SUSD6: variants seen among roughly 807,000 people sequenced by gnomAD.
SUSD6 encodes sushi domain-containing protein 6.
SUSD6 carries 16 observed loss-of-function variants against 28.4 expected under a neutral mutation model. That is an observed-to-expected ratio of 0.56 (90% CI 0.38 to 0.86). SUSD6 has a LOEUF of 0.86. Among genes scored for constraint, SUSD6 ranks in the 40% least tolerant of loss-of-function variants. The pLI, the probability that SUSD6 is intolerant of heterozygous loss-of-function variation, is 0.00. For synonymous variants in SUSD6, 147 were observed against 159.6 expected, an observed-to-expected ratio of 0.92 and a Z score of 0.59; for missense variants, 341 against 384.2, an observed-to-expected ratio of 0.89 and a Z score of 0.94.
chr14:69,631,649 A>T (rs1240381467), intron 1 of SUSD6, among the ~76,000 whole-genome samples: 1 of 152,194 alleles, frequency 6.6e-6, no homozygotes, highest in Non-Finnish European at 1.5e-5. Flanking sequence ...TTCTGTGATT[A>T]TCCTGAGGTT....
chr14:69,703,115 A>C (rs1466123723), intron 2 of SUSD6, among the ~76,000 whole-genome samples: 1 of 152,136 alleles, frequency 6.6e-6, no homozygotes, highest in East Asian at 1.9e-4. Flanking sequence ...TATAGGTTCA[A>C]GACTTTAGAG....
chr14:69,703,519 C>T lies in SUSD6; in HGVS notation c.246C>T (p.Gly82=), dbSNP rs374038848. 435 of 1,614,092 alleles carry T rather than the reference C, an allele frequency of 2.7e-4. 1 individual carries two copies. The highest frequency in any genetic ancestry group is 1.2e-3 in the South Asian group (110 of 91,086). The change falls in exon 3 of 6, where the codon GGC becomes GGT. Residue 82 remains glycine, a synonymous_variant. Transcript: ENST00000342745. ...YLCAEGYMLK[G]DYKYLTCKNG... ...GTGCTGAAGGCTACATGTTGAAGGG[C>T]GATTACAAATACCTGACGTGTAAGA...
At chr14:69,623,043 A>G (rs1263790529) in intron 1 of SUSD6, among the ~76,000 whole-genome samples, 1 of 152,214 alleles carries the variant, frequency 6.6e-6, no homozygotes, top group Non-Finnish European at 1.5e-5. Flanking sequence ...TGGGGTTCAA[A>G]TGCTAAATCA....
intron 1 of SUSD6, among the ~76,000 whole-genome samples, chr14:69,626,351 A>G (rs1302059033): frequency 1.3e-5 from 2 of 152,126 alleles, no homozygotes; most frequent in East Asian, 3.9e-4. Flanking sequence ...ATACTTACCA[A>G]TTAGTGAAAA....
chr14:69,682,128 T>C (rs566532155), intron 2 of SUSD6, among the ~76,000 whole-genome samples: 2 of 152,140 alleles, frequency 1.3e-5, no homozygotes, highest in East Asian at 3.9e-4. Flanking sequence ...GGCCAGGAAT[T>C]CAAGACCAGC....
chr14:69,619,214 C>T (rs1032254794), intron 1 of SUSD6, among the ~76,000 whole-genome samples: 3 of 152,174 alleles, frequency 2.0e-5, no homozygotes, highest in South Asian at 4.1e-4. Context: ...ATTCAAGTTA[C>T]TTCTGTGATT....
intron 5 of SUSD6, 72 bp from the exon 6 acceptor site, chr14:69,710,882 G>A: frequency 7.1e-7 from 1 of 1,406,820 alleles, no homozygotes; most frequent in South Asian, 1.2e-5. Flanking sequence ...CCCCTAAGTT[G>A]CAGTGGGGTC....
At chr14:69,625,585 G>A (rs1283498002) in intron 1 of SUSD6, among the ~76,000 whole-genome samples, 2 of 152,198 alleles carry the variant, frequency 1.3e-5, no homozygotes, top group Non-Finnish European at 2.9e-5. Context: ...GAACATGGCC[G>A]GTCTGGACAG....
chr14:69,703,705 C>A, intron 3 of SUSD6, 113 bp downstream of exon 3: 1 of 922,404 alleles, frequency 1.1e-6, no homozygotes, highest in Non-Finnish European at 1.7e-6. Context: ...AGCCCAGCCC[C>A]AGTTGATGCT....
chr14:69,637,045 C>T (rs552099490), intron 1 of SUSD6, among the ~76,000 whole-genome samples: 1 of 152,262 alleles, frequency 6.6e-6, no homozygotes, highest in East Asian at 1.9e-4. Context: ...GGGAGTCTGC[C>T]CCTGGTCTAG....
At chr14:69,667,625 C>T (rs1038064973) in intron 2 of SUSD6, among the ~76,000 whole-genome samples, 4 of 151,780 alleles carry the variant, frequency 2.6e-5, no homozygotes, top group Admixed American at 2.6e-4. Flanking sequence ...CCTTGTGATC[C>T]GCCCGCCTCA....
intron 2 of SUSD6, among the ~76,000 whole-genome samples, chr14:69,691,401 G>A (rs1886150878): frequency 6.6e-6 from 1 of 152,292 alleles, no homozygotes; most frequent in Admixed American, 6.5e-5. Context: ...TCAACTGCTG[G>A]TGTTTCTCAA....
intron 2 of SUSD6, among the ~76,000 whole-genome samples, chr14:69,697,983 CAAG>C (rs1263179799): frequency 1.3e-5 from 2 of 152,176 alleles, no homozygotes; most frequent in Non-Finnish European, 2.9e-5. Context: ...GGATCTCACA[CAAG>C]AAATAATTTA....
Position 69,703,540 on chromosome 14 carries a change from TAAGAATGGCGAGTGG to T in SUSD6, c.270_284del (p.Asn91_Lys95del). ...AGGGCGATTACAAATACCTGACGTG[TAAGAATGGCGAGTGG>T]AAACCAGCCATGGAGATTAGCTGCC... On this transcript the variant is annotated inframe_deletion, in exon 3 of 6. Transcript: ENST00000342745. The T allele has an allele frequency of 6.2e-7, 1 of 1,614,196 alleles. No individual in the cohort carries two copies. The highest frequency in any genetic ancestry group is 1.1e-5 in the South Asian group (1 of 91,082).
intron 4 of SUSD6, among the ~76,000 whole-genome samples, chr14:69,706,010 G>C (rs972858537): frequency 6.6e-6 from 1 of 152,168 alleles, no homozygotes; most frequent in Non-Finnish European, 1.5e-5. Flanking sequence ...CAAACATAAA[G>C]GGCCAAAGTA....
chr14:69,623,506 A>G (rs1292442719), intron 1 of SUSD6, among the ~76,000 whole-genome samples: 3 of 152,316 alleles, frequency 2.0e-5, no homozygotes, highest in East Asian at 1.9e-4. Context: ...TCTGGTTTAT[A>G]TATTTACTAT....
chr14:69,703,446 G>T lies in SUSD6; in HGVS notation c.173G>T (p.Arg58Leu), dbSNP rs143461922. 2 of 1,614,086 alleles carry T rather than the reference G, an allele frequency of 1.2e-6. No homozygotes were observed. The highest frequency in any genetic ancestry group is 1.7e-5 in the Admixed American group (1 of 60,012). ...AATGGTGGCTACATCTGCCACCCCC[G>T]GCCCTGCAGAGACCCCCTGACAGCA... ...PENGGYICHP[R>L]PCRDPLTAGS... Residue 58 changes from arginine to leucine, a missense_variant, in exon 3 of 6, where the codon CGG (arginine) becomes CTG (leucine). Physicochemically the swap from Arg to Leu is moderately radical, Grantham distance 102 (BLOSUM62 -2). Transcript: ENST00000342745.
chr14:69,624,692 T>A (rs1045984990), intron 1 of SUSD6, among the ~76,000 whole-genome samples: 1 of 152,126 alleles, frequency 6.6e-6, no homozygotes, highest in African/African-American at 2.4e-5. Flanking sequence ...CGACCTCAGG[T>A]GATCCACCTG....
intron 1 of SUSD6, among the ~76,000 whole-genome samples, chr14:69,632,365 A>C (rs1885207122): frequency 6.6e-6 from 1 of 152,124 alleles, no homozygotes; most frequent in South Asian, 2.1e-4. Context: ...TCTCTGTCTC[A>C]TCCCTCCTCC....
Sources: gnomAD v4.1 joint callset for allele counts (sites outside exome capture counted in the v4.1 genomes callset) on GRCh38, gnomAD v4.1.1 for gene constraint, MANE v1.5 for transcripts, NCBI Gene and HGNC (gene_info 2026-07-23, HGNC 2026-07-21) for gene names.